USP49: variants seen among roughly 807,000 people sequenced by gnomAD.
USP49 encodes the protein ubiquitin carboxyl-terminal hydrolase 49.
Under a neutral mutation model 58.6 loss-of-function variants are expected in USP49, and 24 were observed. That is an observed-to-expected ratio of 0.41 (90% CI 0.30 to 0.58). USP49 has a LOEUF of 0.58. Among genes scored for constraint, USP49 ranks in the 20% least tolerant of loss-of-function variants. USP49 has a pLI of 0.30. For missense variants in USP49, 703 were observed against 866.1 expected (o/e 0.81, Z 2.36); for synonymous variants, 408 against 365.1 (o/e 1.12, Z -1.34).
intron 3 of USP49, among the ~76,000 whole-genome samples, chr6:41,853,037 T>C (rs1774057581): frequency 6.6e-6 from 1 of 152,074 alleles, no homozygotes; most frequent in Admixed American, 6.6e-5. Context: ...AATACAAAAA[T>C]TAGCTGGGCA....
intron 3 of USP49, among the ~76,000 whole-genome samples, chr6:41,830,882 G>T (rs116162002): frequency 7.9e-5 from 12 of 152,116 alleles, no homozygotes; most frequent in African/African-American, 2.9e-4. Flanking sequence ...CTGGCCAAGA[G>T]ATTGTTATAC....
At chr6:41,831,074 T>C (rs770046662) in intron 3 of USP49, among the ~76,000 whole-genome samples, 51 of 152,014 alleles carry the variant, frequency 3.4e-4, no homozygotes, top group East Asian at 3.9e-4. Context: ...CTGGCTAACA[T>C]GGTGAAACCC....
intron 2 of USP49, among the ~76,000 whole-genome samples, chr6:41,880,930 T>A (rs1160607012): frequency 6.6e-6 from 1 of 152,056 alleles, no homozygotes; most frequent in Non-Finnish European, 1.5e-5. Context: ...TTATTTTATT[T>A]ATTTTTTATT....
At chr6:41,887,042 T>A (rs573841677) in intron 2 of USP49, among the ~76,000 whole-genome samples, 1 of 152,286 alleles carries the variant, frequency 6.6e-6, no homozygotes, top group East Asian at 1.9e-4. Context: ...ACATGGTCCA[T>A]CCAAGTGAGC....
intron 3 of USP49, among the ~76,000 whole-genome samples, chr6:41,854,000 G>A (rs10947991): frequency 0.81 from 91,506 of 113,152 alleles, 36,394 homozygotes; most frequent in African/African-American, 0.94. Context: ...ACTCTGTCTC[G>A]AAAAAAAAAA....
At position 41,794,924 on chromosome 6, in the gene USP49, G is replaced by A. The variant is rs936107279; in HGVS notation, c.*1609C>T. 1 of 152,194 alleles carries A rather than the reference G, an allele frequency of 6.6e-6. No individual in the cohort carries two copies. The highest frequency in any genetic ancestry group is 1.9e-4 in the East Asian group (1 of 5,202). 9.4% of individuals were successfully genotyped at this position (152,194 alleles called of 1,614,324 possible). A position where few individuals can be genotyped will look rare whatever the true frequency, so the allele number is the denominator to read the frequency against. On this transcript the variant is annotated 3_prime_UTR_variant, in exon 8 of 8. Transcript: ENST00000682992. ...CTCAGTGCTGCCTGGCAGGGCCTATGGGAGAGTTCATCTCAAAAGAGGTCA... is the reference window on the plus strand; with the variant it reads ...CTCAGTGCTGCCTGGCAGGGCCTATAGGAGAGTTCATCTCAAAAGAGGTCA...
intron 5 of USP49, among the ~76,000 whole-genome samples, chr6:41,802,555 A>G (rs1446680914): frequency 1.8e-4 from 27 of 148,958 alleles, no homozygotes; most frequent in Non-Finnish European, 2.4e-4. Flanking sequence ...GGGTCTCCCA[A>G]AGTCCTGGGA....
intron 2 of USP49, among the ~76,000 whole-genome samples, chr6:41,882,295 G>T (rs375847714): frequency 6.6e-6 from 1 of 152,032 alleles, no homozygotes; most frequent in Admixed American, 6.6e-5. Flanking sequence ...AAGAAACTTC[G>T]AGATAAATAC....
intron 3 of USP49, among the ~76,000 whole-genome samples, chr6:41,815,021 G>T (rs868008423): frequency 6.6e-6 from 1 of 152,130 alleles, no homozygotes; most frequent in African/African-American, 2.4e-5. Context: ...TGTTAAAAAT[G>T]AATTTCATTT....
intron 2 of USP49, among the ~76,000 whole-genome samples, chr6:41,880,041 G>T (rs1300803932): frequency 6.6e-6 from 1 of 151,920 alleles, no homozygotes; most frequent in Non-Finnish European, 1.5e-5. Flanking sequence ...GTATTTTAAG[G>T]AAACACAGAT....
intron 3 of USP49, among the ~76,000 whole-genome samples, chr6:41,860,822 T>C (rs934234781): frequency 6.6e-6 from 1 of 152,044 alleles, no homozygotes; most frequent in African/African-American, 2.4e-5. Context: ...TTATTATTAT[T>C]ATTTTTTAAA....
At chr6:41,839,531 C>G (rs771797555) in intron 3 of USP49, among the ~76,000 whole-genome samples, 1 of 143,110 alleles carries the variant, frequency 7.0e-6, no homozygotes, top group Non-Finnish European at 1.5e-5. Flanking sequence ...AAAAGAGTAA[C>G]GAAGATCAGA....
intron 3 of USP49, among the ~76,000 whole-genome samples, chr6:41,834,518 TGG>T (rs1561912814): frequency 6.6e-6 from 1 of 152,014 alleles, no homozygotes; most frequent in East Asian, 1.9e-4. Context: ...GTGTTGGAGG[TGG>T]GGCCTGGTGG....
At chr6:41,865,638 G>C (rs1193537052) in intron 3 of USP49, among the ~76,000 whole-genome samples, 2 of 151,062 alleles carry the variant, frequency 1.3e-5, no homozygotes, top group Non-Finnish European at 3.0e-5. Context: ...ACCATGCTCG[G>C]CTTGTTTTTT....
intron 3 of USP49, among the ~76,000 whole-genome samples, chr6:41,809,370 A>T (rs944378402): frequency 1.3e-5 from 2 of 151,940 alleles, no homozygotes; most frequent in African/African-American, 4.8e-5. Context: ...TAAAAAAATA[A>T]AAAAATTAGC....
At chr6:41,813,274 C>T (rs1581998088) in intron 3 of USP49, among the ~76,000 whole-genome samples, 2 of 152,112 alleles carry the variant, frequency 1.3e-5, no homozygotes, top group South Asian at 4.1e-4. Flanking sequence ...AACTCAAAAC[C>T]TGATGCCTGG....
chr6:41,859,577 G>A (rs994848839), intron 3 of USP49, among the ~76,000 whole-genome samples: 4 of 152,114 alleles, frequency 2.6e-5, no homozygotes. Context: ...AGAAGACATC[G>A]TGCCGAGAAC....
intron 3 of USP49, among the ~76,000 whole-genome samples, chr6:41,845,090 G>A (rs1176789570): frequency 2.0e-5 from 3 of 152,104 alleles, no homozygotes; most frequent in African/African-American, 7.2e-5. Flanking sequence ...TAGTAGAGAC[G>A]CTGTTTCACC....
At chr6:41,861,971 G>A (rs1428862398) in intron 3 of USP49, among the ~76,000 whole-genome samples, 2 of 151,978 alleles carry the variant, frequency 1.3e-5, no homozygotes, top group East Asian at 3.8e-4. Flanking sequence ...CAAAGTGCTG[G>A]GATTACAGGC....
Sources: gnomAD v4.1 joint callset for allele counts (sites outside exome capture counted in the v4.1 genomes callset) on GRCh38, gnomAD v4.1.1 for gene constraint, MANE v1.5 for transcripts, NCBI Gene and HGNC (gene_info 2026-07-23, HGNC 2026-07-21) for gene names.